CDH18: variants seen among roughly 807,000 people sequenced by gnomAD.
CDH18 encodes cadherin 18, also known as cadherin-18.
Under a neutral mutation model 67.9 loss-of-function variants are expected in CDH18, and 31 were observed. The ratio of observed to expected loss-of-function variants is 0.46; its 90% CI spans 0.34 to 0.62. The LOEUF is 0.62. CDH18 is among the 20% of genes least tolerant of loss of function. CDH18 has a pLI of 0.01. For synonymous variants in CDH18, 362 were observed against 347.2 expected (o/e 1.04, Z -0.48); for missense variants, 890 against 975.5 (o/e 0.91, Z 1.17).
At chr5:20,457,249 T>C (rs1750896786) in intron 1 of CDH18, among the ~76,000 whole-genome samples, 1 of 152,174 alleles carries the variant, frequency 6.6e-6, no homozygotes, top group African/African-American at 2.4e-5. Context: ...CAAGACAATG[T>C]ACCATGTTAA....
intron 2 of CDH18, among the ~76,000 whole-genome samples, chr5:19,971,683 G>A (rs1160471924): frequency 6.6e-6 from 1 of 151,932 alleles, no homozygotes; most frequent in Non-Finnish European, 1.5e-5. Flanking sequence ...CACACACTGG[G>A]ACCTTTCCGA....
intron 9 of CDH18, among the ~76,000 whole-genome samples, chr5:19,537,308 G>A (rs556011299): frequency 6.6e-6 from 1 of 151,986 alleles, no homozygotes; most frequent in South Asian, 2.1e-4. Context: ...TGCAGATTTG[G>A]GATGTGATAG....
intron 2 of CDH18, among the ~76,000 whole-genome samples, chr5:19,910,396 A>G (rs944529781): frequency 6.6e-6 from 1 of 152,148 alleles, no homozygotes; most frequent in Non-Finnish European, 1.5e-5. Flanking sequence ...TCTACGCTCC[A>G]TTAAGCTCTG....
chr5:20,368,695 C>T (rs943638323), intron 1 of CDH18, among the ~76,000 whole-genome samples: 1 of 152,054 alleles, frequency 6.6e-6, no homozygotes, highest in African/African-American at 2.4e-5. Flanking sequence ...CTAACTTTGG[C>T]ACAAAAAGCA....
chr5:19,479,161 A>C (rs1738982577), intron 12 of CDH18, among the ~76,000 whole-genome samples: 1 of 152,218 alleles, frequency 6.6e-6, no homozygotes, highest in Admixed American at 6.5e-5. Flanking sequence ...AATAGAAACA[A>C]GAAAAACTGA....
At chr5:19,696,278 G>C (rs1297756513) in intron 5 of CDH18, among the ~76,000 whole-genome samples, 1 of 149,878 alleles carries the variant, frequency 6.7e-6, no homozygotes, top group Admixed American at 6.6e-5. Flanking sequence ...TTTTAAGACA[G>C]AGTCTTGCTC....
chr5:19,700,413 G>GC, intron 5 of CDH18, among the ~76,000 whole-genome samples: 1 of 152,132 alleles, frequency 6.6e-6, no homozygotes, highest in Non-Finnish European at 1.5e-5. Flanking sequence ...GTTGTGTAGC[G>GC]CATGACTGTG....
At chr5:20,425,766 C>T (rs1339612065) in intron 1 of CDH18, among the ~76,000 whole-genome samples, 1 of 151,004 alleles carries the variant, frequency 6.6e-6, no homozygotes, top group Non-Finnish European at 1.5e-5. Context: ...AACAATCTGT[C>T]ATATTTAGCT....
intron 1 of CDH18, among the ~76,000 whole-genome samples, chr5:20,264,532 A>C (rs1017484296): frequency 6.6e-6 from 1 of 152,020 alleles, no homozygotes; most frequent in Admixed American, 6.6e-5. Context: ...ATTCTGAAGC[A>C]CCATTTTAAT....
chr5:20,482,236 T>C (rs1193242912), intron 1 of CDH18, among the ~76,000 whole-genome samples: 3 of 151,964 alleles, frequency 2.0e-5, no homozygotes, highest in South Asian at 2.1e-4. Context: ...GATTGAACCA[T>C]TAAGAAATCA....
At chr5:19,584,618 C>T (rs1247203349) in intron 7 of CDH18, among the ~76,000 whole-genome samples, 1 of 151,456 alleles carries the variant, frequency 6.6e-6, no homozygotes. Context: ...GCAACATGTA[C>T]ATACCTCAGA....
chr5:19,554,022 T>C (rs965225255), intron 8 of CDH18, among the ~76,000 whole-genome samples: 3 of 152,082 alleles, frequency 2.0e-5, no homozygotes, highest in African/African-American at 7.2e-5. Context: ...TTGTTAACAT[T>C]GGGAATGCAA....
At chr5:20,372,060 C>T (rs1214294876) in intron 1 of CDH18, among the ~76,000 whole-genome samples, 3 of 152,042 alleles carry the variant, frequency 2.0e-5, no homozygotes, top group African/African-American at 4.8e-5. Flanking sequence ...AAACAGGCAC[C>T]GAAAAGATAC....
chr5:20,476,963 A>C (rs1280717325), intron 1 of CDH18, among the ~76,000 whole-genome samples: 1 of 152,182 alleles, frequency 6.6e-6, no homozygotes, highest in Admixed American at 6.5e-5. Flanking sequence ...GTTACCAAGT[A>C]ATCTTTTACT....
intron 2 of CDH18, among the ~76,000 whole-genome samples, chr5:20,082,133 TC>T (rs1019718378): frequency 6.6e-6 from 1 of 150,744 alleles, no homozygotes; most frequent in African/African-American, 2.4e-5. Flanking sequence ...ACCGATGCAT[TC>T]AAAAAAAAAA....
chr5:20,470,375 C>T, intron 1 of CDH18, among the ~76,000 whole-genome samples: 1 of 152,166 alleles, frequency 6.6e-6, no homozygotes, highest in Non-Finnish European at 1.5e-5. Flanking sequence ...GAAAAACACA[C>T]AACCATGCTA....
chr5:20,236,727 G>A (rs1169938341), intron 2 of CDH18, among the ~76,000 whole-genome samples: 2 of 152,074 alleles, frequency 1.3e-5, no homozygotes, highest in African/African-American at 2.4e-5. Context: ...TCTAGACACA[G>A]GTTTCACGAG....
chr5:20,564,488 G>A (rs1758395646), intron 1 of CDH18, among the ~76,000 whole-genome samples: 1 of 151,686 alleles, frequency 6.6e-6, no homozygotes, highest in Non-Finnish European at 1.5e-5. Flanking sequence ...CATCTCTCTG[G>A]TTGGGCCAGG....
chr5:20,319,906 A>G (rs753745937), intron 1 of CDH18, among the ~76,000 whole-genome samples: 4 of 152,184 alleles, frequency 2.6e-5, no homozygotes, highest in Non-Finnish European at 5.9e-5. Context: ...ATGTAATTCT[A>G]CATTCCAATA....
Sources: allele counts gnomAD v4.1 joint callset (sites outside exome capture counted in the v4.1 genomes callset), GRCh38; gene constraint gnomAD v4.1.1; transcripts MANE v1.5; gene names NCBI Gene and HGNC (gene_info 2026-07-23, HGNC 2026-07-21).